The following KIAA2012 variants were observed in gnomAD, a reference collection of about 807,000 sequenced individuals.
The protein encoded by KIAA2012 is KIAA2012.
In KIAA2012, 125 loss-of-function variants were observed where a neutral mutation model predicts 150.6. The ratio of observed to expected loss-of-function variants is 0.83; its 90% CI spans 0.72 to 0.96. KIAA2012 has a LOEUF of 0.96. Ranked by LOEUF, KIAA2012 falls within the 40% of genes least tolerant of loss-of-function variation. The probability of loss-of-function intolerance (pLI) is 0.00; values close to 1 mark genes in which losing one functional copy is unlikely to be tolerated. For missense variants in KIAA2012, 1,219 were observed against 1,354.9 expected, an observed-to-expected ratio of 0.90 and a Z score of 1.57; for synonymous variants, 462 against 504.7, an observed-to-expected ratio of 0.92 and a Z score of 1.13.
chr2:202,143,075 ATT>A (rs59488285), intron 13 of KIAA2012, among the ~76,000 whole-genome samples: 6,073 of 125,122 alleles, frequency 0.049, 274 homozygotes, highest in African/African-American at 0.16. Context: ...CACTGGTTTA[ATT>A]TTTTTTTTTT....
chr2:202,193,602 C>T (rs1692359341), intron 20 of KIAA2012, 99 bp downstream of exon 20: 2 of 1,226,974 alleles, frequency 1.6e-6, no homozygotes, highest in Non-Finnish European at 2.3e-6. Flanking sequence ...TTCTGAGGCT[C>T]ATGCCCTGAA....
intron 14 of KIAA2012, among the ~76,000 whole-genome samples, chr2:202,158,987 G>A (rs1691595151): frequency 6.6e-6 from 1 of 152,170 alleles, no homozygotes; most frequent in Non-Finnish European, 1.5e-5. Context: ...AGCATATAGT[G>A]CCCTCAAATG....
At position 202,196,781 on chromosome 2, in the gene KIAA2012, C is replaced by T. The variant is rs955329580; in HGVS notation, c.3188-19C>T. On this transcript the variant is annotated intron_variant, in intron 21 of 23. Transcript: ENST00000498697. Reference sequence around the variant, plus strand: ...TAAAAATGATCCCTGCTGAGCCCACCCCCTTTTCTATTCTGCAGAGGCAGA... The same window carrying T: ...TAAAAATGATCCCTGCTGAGCCCACTCCCTTTTCTATTCTGCAGAGGCAGA... The T allele has an allele frequency of 3.9e-6, 6 of 1,548,330 alleles. No individual in the cohort carries two copies. The highest frequency in any genetic ancestry group is 5.2e-6 in the Non-Finnish European group (6 of 1,145,730).
At chr2:202,086,961 T>A (rs1689587570) in intron 2 of KIAA2012, among the ~76,000 whole-genome samples, 1 of 152,178 alleles carries the variant, frequency 6.6e-6, no homozygotes, top group African/African-American at 2.4e-5. Context: ...TATCCACATA[T>A]CAGAAATACT....
At chr2:202,090,744 C>T in intron 2 of KIAA2012, 26 bp from the exon 3 acceptor site, 1 of 1,535,434 alleles carries the variant, frequency 6.5e-7, no homozygotes, top group East Asian at 2.5e-5. Flanking sequence ...AGCAGCTGTG[C>T]TGTTTCCTGA....
In KIAA2012 at chr2:202,159,971, C is replaced by T. The variant is rs199771154; in HGVS notation, c.2046+5161C>T. ...ACTCAATTCATAAGGGAGAAAGGAACATTCACTGATCCCTGCTAAGGGCCA... is the reference window on the plus strand; with the variant it reads ...ACTCAATTCATAAGGGAGAAAGGAATATTCACTGATCCCTGCTAAGGGCCA... On this transcript the variant is annotated intron_variant, in intron 14 of 23. Coordinates refer to ENST00000498697, the MANE Select transcript of KIAA2012 (RefSeq NM_001277372.4). Among the ~76,000 whole-genome samples, 16 of 152,358 alleles carry T rather than the reference C, an allele frequency of 1.1e-4. No homozygotes were observed. The East Asian group carries it at 3.1e-3, about 29-fold the overall frequency.
At chr2:202,181,208 G>A (rs562735287) in intron 15 of KIAA2012, among the ~76,000 whole-genome samples, 3 of 152,210 alleles carry the variant, frequency 2.0e-5, no homozygotes, top group South Asian at 2.1e-4. Flanking sequence ...GTGCTCAAGC[G>A]ATCTGCCTGC....
chr2:202,182,833 A>T (rs1229239059), intron 15 of KIAA2012, among the ~76,000 whole-genome samples: 2 of 152,190 alleles, frequency 1.3e-5, no homozygotes, highest in African/African-American at 2.4e-5. Context: ...AAATCTCAGT[A>T]CAGTCAGTCT....
chr2:202,158,196 A>G (rs950610093), intron 14 of KIAA2012, among the ~76,000 whole-genome samples: 3 of 152,058 alleles, frequency 2.0e-5, no homozygotes, highest in African/African-American at 7.2e-5. Flanking sequence ...GGGTTTCACC[A>G]TGTCAGCCAG....
chr2:202,172,028 G>A (rs1308850994), intron 15 of KIAA2012, among the ~76,000 whole-genome samples: 6 of 152,132 alleles, frequency 3.9e-5, no homozygotes, highest in Admixed American at 1.3e-4. Context: ...TGTATTTTTA[G>A]TAGAGACGGG....
At chr2:202,077,815 A>G (rs911123233) in intron 2 of KIAA2012, among the ~76,000 whole-genome samples, 4 of 152,188 alleles carry the variant, frequency 2.6e-5, no homozygotes, top group African/African-American at 9.7e-5. Context: ...TATCAAAATA[A>G]AAATAATACA....
intron 15 of KIAA2012, among the ~76,000 whole-genome samples, chr2:202,177,555 C>G (rs1426890505): frequency 6.6e-6 from 1 of 152,090 alleles, no homozygotes; most frequent in Non-Finnish European, 1.5e-5. Flanking sequence ...TCCCACAAGC[C>G]CTTTTTCTTT....
At chr2:202,109,487 A>G in intron 9 of KIAA2012, 126 bp from the exon 10 acceptor site, 2 of 754,262 alleles carry the variant, frequency 2.7e-6, no homozygotes, top group Non-Finnish European at 4.1e-6. Flanking sequence ...TAGCCACAAT[A>G]CAATTACCAG....
At chr2:202,117,242 G>A (rs1025827912) in intron 11 of KIAA2012, among the ~76,000 whole-genome samples, 2 of 152,190 alleles carry the variant, frequency 1.3e-5, no homozygotes, top group Non-Finnish European at 2.9e-5. Context: ...AGTATTCTTG[G>A]TGTCATTTTG....
chr2:202,170,082 T>A (rs1199806677), intron 15 of KIAA2012, among the ~76,000 whole-genome samples: 1 of 152,206 alleles, frequency 6.6e-6, no homozygotes, highest in African/African-American at 2.4e-5. Context: ...TCTGCCACCT[T>A]CACTGTGTCC....
chr2:202,179,438 G>T, intron 15 of KIAA2012: 1 of 721,204 alleles, frequency 1.4e-6, no homozygotes, highest in Admixed American at 1.8e-5. Context: ...ATTAGCAACC[G>T]AGAAAAAACA....
chr2:202,102,093 AAGG>A (rs1271883596), intron 7 of KIAA2012, among the ~76,000 whole-genome samples: 1 of 152,152 alleles, frequency 6.6e-6, no homozygotes, highest in Non-Finnish European at 1.5e-5. Flanking sequence ...TGCAAACTAA[AAGG>A]AGAAATTTTC....
chr2:202,177,646 G>A lies in KIAA2012; in HGVS notation c.2120-7107G>A, dbSNP rs141853236. ...ACACTATCCACAGCCTCAGTGTCCC[G>A]AGTAGCTGAGACTACAGGTGTGCAT... is the stretch of plus-strand genomic sequence containing the variant. On this transcript the variant is annotated intron_variant, in intron 15 of 23. Coordinates refer to ENST00000498697, the MANE Select transcript of KIAA2012 (RefSeq NM_001277372.4). Among the ~76,000 whole-genome samples the A allele has an allele frequency of 5.0e-3, 765 of 152,192 alleles. 10 individuals carry two copies. Among genetic ancestry groups the A allele is most frequent in the African/African-American group, 0.016 (670 of 41,514 alleles).
chr2:202,109,918 T>C, intron 10 of KIAA2012, 129 bp downstream of exon 10: 1 of 774,670 alleles, frequency 1.3e-6, no homozygotes, highest in Non-Finnish European at 2.0e-6. Flanking sequence ...TGACACTGTT[T>C]CTGATGATGT....
Sources: allele counts gnomAD v4.1 joint callset (sites outside exome capture counted in the v4.1 genomes callset), GRCh38; gene constraint gnomAD v4.1.1; transcripts MANE v1.5; gene names NCBI Gene and HGNC (gene_info 2026-07-23, HGNC 2026-07-21).